The following ALPK1 variants were observed in gnomAD, a reference collection of about 807,000 sequenced individuals.
The protein encoded by ALPK1 is alpha kinase 1.
Under a neutral mutation model 120.6 loss-of-function variants are expected in ALPK1, and 110 were observed. The ratio of observed to expected loss-of-function variants is 0.91; its 90% CI spans 0.78 to 1.07. The LOEUF (loss-of-function observed/expected upper bound fraction) is 1.07, where lower values mean the gene tolerates loss of function less well. Among genes scored for constraint, ALPK1 ranks in the 50% least tolerant of loss-of-function variants. The pLI is 0.00. For missense variants in ALPK1, 1,498 were observed against 1,483.9 expected (o/e 1.01, Z -0.16); for synonymous variants, 582 against 560.3 (o/e 1.04, Z -0.55).
Position 112,349,551 on chromosome 4 carries a change from G to GCCCCCCC in ALPK1, c.-100-28124_-100-28118dup, listed in dbSNP as rs10625139. ...TCCTATTATTACCGCCCCAACCCCT[G>GCCCCCCC]CCCCCCCCCGCTTTATTTTTGAGAC... On this transcript the variant is annotated intron_variant, in intron 2 of 15. Transcript: ENST00000650871. Among the ~76,000 whole-genome samples the GCCCCCCC allele has an allele frequency of 7.6e-4, 79 of 103,734 alleles. 2 individuals are homozygous for GCCCCCCC. The highest frequency in any genetic ancestry group is 1.6e-3 in the African/African-American group (39 of 24,594). The allele number at this position is 103,734 out of a possible 152,430, so 68.1% of individuals were successfully genotyped here.
rs201401104 is a variant in ALPK1 at position 112,427,581 on chromosome 4, G to A, written c.711G>A (p.Thr237=). The change falls in exon 9 of 16, where the codon ACG becomes ACA. Residue 237 remains threonine, a synonymous_variant. Coordinates refer to ENST00000650871, the MANE Select transcript of ALPK1 (RefSeq NM_025144.4). ...LPQPDKKGLS[T]SLGILADIFV... is the part of the protein sequence containing the mutation. Reference sequence around the variant, plus strand: ...TGTTTTTCTTACAGGGCCTCTCCACGTCGCTAGGTATACTGGCAGACATCT... The same window carrying A: ...TGTTTTTCTTACAGGGCCTCTCCACATCGCTAGGTATACTGGCAGACATCT... 44 of 1,613,822 alleles carry A rather than the reference G, an allele frequency of 2.7e-5. No individual in the cohort carries two copies. Among genetic ancestry groups the A allele is most frequent in the Admixed American group, 5.0e-5 (3 of 60,014 alleles).
chr4:112,402,274 C>G (rs57590313), intron 4 of ALPK1, among the ~76,000 whole-genome samples: 1 of 152,100 alleles, frequency 6.6e-6, no homozygotes, highest in Non-Finnish European at 1.5e-5. Context: ...TTCACCCAGC[C>G]CCTCCTTGAG....
At chr4:112,307,974 C>G (rs1728190371) in intron 1 of ALPK1, among the ~76,000 whole-genome samples, 1 of 152,100 alleles carries the variant, frequency 6.6e-6, no homozygotes, top group Non-Finnish European at 1.5e-5. Flanking sequence ...ATTTGCTTGT[C>G]TGTAAAGGAT....
At chr4:112,369,461 C>G (rs1297026644) in intron 2 of ALPK1, among the ~76,000 whole-genome samples, 3 of 152,134 alleles carry the variant, frequency 2.0e-5, no homozygotes, top group Admixed American at 2.0e-4. Flanking sequence ...TCTTGTTGTA[C>G]ATTAGAGACC....
At position 112,432,443 on chromosome 4, in the gene ALPK1, A is replaced by G; in HGVS notation, c.2896A>G (p.Arg966Gly). The G allele has an allele frequency of 6.2e-7, 1 of 1,614,122 alleles. No homozygotes were observed. The highest frequency in any genetic ancestry group is 8.5e-7 in the Non-Finnish European group (1 of 1,180,018). The change falls in exon 11 of 16, where the codon AGG becomes GGG. Residue 966 changes from arginine to glycine, a missense_variant. Coordinates refer to ENST00000650871, the MANE Select transcript of ALPK1 (RefSeq NM_025144.4). Reference protein sequence around the residue: ...SSWVSLPGKMRKEILEARTLQ... With the variant: ...SSWVSLPGKMGKEILEARTLQ... ...TTGGGTTTCATTGCCGGGAAAGATG[A>G]GGAAAGAGATCCTTGAGGCTCGCAC...
intron 2 of ALPK1, among the ~76,000 whole-genome samples, chr4:112,330,605 A>G (rs978246009): frequency 6.6e-6 from 1 of 152,196 alleles, no homozygotes; most frequent in Admixed American, 6.5e-5. Context: ...TGATTCCTGG[A>G]CCCATGTGGC....
In ALPK1 at chr4:112,435,178, C is replaced by T; in HGVS notation, c.3065C>T (p.Ser1022Phe). The T allele has an allele frequency of 6.2e-7, 1 of 1,603,776 alleles. No homozygotes were observed. Among genetic ancestry groups the T allele is most frequent in the Non-Finnish European group, 8.5e-7 (1 of 1,177,582 alleles). The change falls in exon 12 of 16, where the codon TCT becomes TTT. Residue 1022 changes from serine to phenylalanine, a missense_variant. Coordinates refer to ENST00000650871, the MANE Select transcript of ALPK1 (RefSeq NM_025144.4). ...CTTTTGTTAAAATATTCAAAAAAAT[C>T]TGAACTGTGGACGGCCCAGGAAACT... ...SALLLKYSKK[S>F]ELWTAQETIV...
At position 112,382,313 on chromosome 4, in the gene ALPK1, C is replaced by T. The variant is rs1359309209; in HGVS notation, c.122-85C>T. ...TCTTTTTTTTTTTTTTTTTTTTTGCCACTGAGGTGCTTCATCATAACATTG... is the reference window on the plus strand; with the variant it reads ...TCTTTTTTTTTTTTTTTTTTTTTGCTACTGAGGTGCTTCATCATAACATTG... On this transcript the variant is annotated intron_variant, in intron 3 of 15. Coordinates refer to ENST00000650871, the MANE Select transcript of ALPK1 (RefSeq NM_025144.4). 1.1e-5 allele frequency: 10 copies of T among 894,622 alleles called. No individual in the cohort carries two copies. In the African/African-American group the frequency reaches 2.2e-4, roughly 20 times the overall value. 55.4% of individuals were successfully genotyped at this position (894,622 alleles called of 1,614,324 possible).
intron 2 of ALPK1, among the ~76,000 whole-genome samples, chr4:112,370,328 T>A (rs1731347145): frequency 6.6e-6 from 1 of 152,208 alleles, no homozygotes; most frequent in African/African-American, 2.4e-5. Context: ...ACTCTAACTT[T>A]TTTGGGTATT....
intron 2 of ALPK1, among the ~76,000 whole-genome samples, chr4:112,325,383 T>C (rs1332674856): frequency 6.6e-6 from 1 of 152,222 alleles, no homozygotes; most frequent in Admixed American, 6.5e-5. Flanking sequence ...AAACAGTTCC[T>C]TAGAAATGTA....
In ALPK1 at chr4:112,441,385, C is replaced by G. The variant is rs1735035777; in HGVS notation, c.*175C>G. On this transcript the variant is annotated 3_prime_UTR_variant, in exon 16 of 16. Transcript: ENST00000650871. ...CAGTTATCAAGAATGGGTCAGGAGA[C>G]CGCTGCTTCTGGGCATAAGTCCTGC... 1.5e-6 allele frequency: 1 copy of G among 684,068 alleles called. No homozygotes were observed. The allele number at this position is 684,068 out of a possible 1,614,324, so 42.4% of individuals were successfully genotyped here. A position where few individuals can be genotyped will look rare whatever the true frequency, so the allele number is the denominator to read the frequency against.
At chr4:112,385,474 T>C (rs1311269313) in intron 4 of ALPK1, among the ~76,000 whole-genome samples, 4 of 152,206 alleles carry the variant, frequency 2.6e-5, no homozygotes, top group Non-Finnish European at 5.9e-5. Context: ...GGCAGCTTTT[T>C]GAACTCTGAG....
intron 5 of ALPK1, among the ~76,000 whole-genome samples, chr4:112,413,129 T>C (rs1298972246): frequency 6.6e-6 from 1 of 152,220 alleles, no homozygotes. Flanking sequence ...ATTTATAATG[T>C]GTGGGATATG....
chr4:112,300,367 T>A (rs1043403973), intron 1 of ALPK1, among the ~76,000 whole-genome samples: 3 of 151,874 alleles, frequency 2.0e-5, no homozygotes, highest in African/African-American at 7.2e-5. Context: ...AAAAAATTTT[T>A]AAATTATTAT....
rs765776944 is a variant in ALPK1 at position 112,411,870 on chromosome 4, C to A, written c.320C>A (p.Ala107Glu). 1 of 1,613,332 alleles carries A rather than the reference C, an allele frequency of 6.2e-7. No individual in the cohort carries two copies. Among genetic ancestry groups the A allele is most frequent in the East Asian group, 2.2e-5 (1 of 44,866 alleles). The stretch of plus-strand genomic sequence containing the variant: ...ATCCTCGCTCGGGACTGTGCGGCTG[C>A]GGCGGCTATTGTGTTCTTGGTGGAC... ...ASILARDCAA[A>E]AAIVFLVDRF... is the part of the protein sequence containing the mutation. The change falls in exon 5 of 16, where the codon GCG becomes GAG. Residue 107 changes from alanine (A) to glutamate (E), a missense_variant. Ala to Glu is a moderately radical substitution (Grantham distance 107, BLOSUM62 -1). Transcript: ENST00000650871.
intron 5 of ALPK1, among the ~76,000 whole-genome samples, chr4:112,420,143 G>A (rs7685875): frequency 0.12 from 17,804 of 152,198 alleles, 1,228 homozygotes; most frequent in African/African-American, 0.18. Context: ...AACAAAACAG[G>A]CAAAACCTCC....
intron 4 of ALPK1, among the ~76,000 whole-genome samples, chr4:112,400,750 T>C (rs1732870709): frequency 6.6e-6 from 1 of 152,208 alleles, no homozygotes; most frequent in South Asian, 2.1e-4. Flanking sequence ...AATGTGGTTT[T>C]CAATATTCAG....
At chr4:112,427,958 T>C (rs1734315930) in intron 9 of ALPK1, 1 of 235,554 alleles carries the variant, frequency 4.2e-6, no homozygotes, top group Non-Finnish European at 8.3e-6. Context: ...TTTCAAAGTA[T>C]AACAAAATGC....
intron 2 of ALPK1, chr4:112,356,883 C>G (rs1730647920): frequency 1.3e-6 from 1 of 745,902 alleles, no homozygotes; most frequent in East Asian, 2.6e-5. Context: ...TTTGATGAAA[C>G]TCACAAGGTG....
Sources: allele counts gnomAD v4.1 joint callset (sites outside exome capture counted in the v4.1 genomes callset), GRCh38; gene constraint gnomAD v4.1.1; transcripts MANE v1.5; gene names NCBI Gene and HGNC (gene_info 2026-07-23, HGNC 2026-07-21).